ATP2C1: variants seen among roughly 807,000 people sequenced by gnomAD.
The protein encoded by ATP2C1 is calcium-transporting ATPase type 2C member 1.
Under a neutral mutation model 120.5 loss-of-function variants are expected in ATP2C1, and 31 were observed. The ratio of observed to expected loss-of-function variants is 0.26; its 90% CI spans 0.19 to 0.35. ATP2C1 has a LOEUF of 0.35. ATP2C1 is among the 10% of genes least tolerant of loss of function. ATP2C1 has a pLI of 1.00. For synonymous variants in ATP2C1, 351 were observed against 358.7 expected (o/e 0.98, Z 0.24); for missense variants, 731 against 1,107.5 (o/e 0.66, Z 4.83).
chr3:130,878,960 A>C (rs775964771), intron 1 of ATP2C1, among the ~76,000 whole-genome samples: 1 of 152,144 alleles, frequency 6.6e-6, no homozygotes, highest in Non-Finnish European at 1.5e-5. Flanking sequence ...TATTTTATTA[A>C]ATTACATTTC....
At chr3:130,941,004 T>C (rs2059874328) in intron 7 of ATP2C1, among the ~76,000 whole-genome samples, 1 of 117,614 alleles carries the variant, frequency 8.5e-6, no homozygotes, top group Non-Finnish European at 2.1e-5. Context: ...AAGCTCCATC[T>C]GCCGGGTTCA....
chr3:130,893,062 T>C (rs1475808297), upstream of ATP2C1, among the ~76,000 whole-genome samples: 1 of 152,212 alleles, frequency 6.6e-6, no homozygotes, highest in African/African-American at 2.4e-5. Flanking sequence ...ACTCAGTAGG[T>C]GAAGCCCTGC....
intron 2 of ATP2C1, among the ~76,000 whole-genome samples, chr3:130,928,457 A>C (rs2059312327): frequency 6.6e-6 from 1 of 152,212 alleles, no homozygotes; most frequent in South Asian, 2.1e-4. Context: ...CTATATACCA[A>C]CTACCAAAGG....
At chr3:131,008,638 A>C (rs2063205251) in intron 26 of ATP2C1, among the ~76,000 whole-genome samples, 1 of 152,152 alleles carries the variant, frequency 6.6e-6, no homozygotes, top group Admixed American at 6.5e-5. Context: ...TAAAGCCTAA[A>C]ATATTTACTA....
chr3:130,855,728 G>A (rs1244334510), intron 1 of ATP2C1, among the ~76,000 whole-genome samples: 1 of 152,182 alleles, frequency 6.6e-6, no homozygotes, highest in Admixed American at 6.5e-5. Flanking sequence ...TGATGCCTGA[G>A]GGTCAACTTG....
exon 27 of ATP2C1, chr3:131,016,415 C>T: frequency 1.4e-6 from 2 of 1,467,214 alleles, no homozygotes; most frequent in Non-Finnish European, 1.9e-6. Flanking sequence ...ACATATACTA[C>T]AAATTCTATA....
At position 130,996,707 on chromosome 3, in the gene ATP2C1, A is replaced by G. The variant is rs745625180; in HGVS notation, c.2154A>G (p.Ser718=). ...STSIAALTLI[S]LATLMNFPNP... is the part of the protein sequence containing the mutation. ...GTATAGCAGCATTAACTTTAATCTCATTGGCTACATTAATGAACTTTCCTA... is the reference window on the plus strand; with the variant it reads ...GTATAGCAGCATTAACTTTAATCTCGTTGGCTACATTAATGAACTTTCCTA... The change falls in exon 24 of 28, where the codon TCA becomes TCG. Residue 718 remains serine, a synonymous_variant. Coordinates refer to ENST00000510168, the MANE Select transcript of ATP2C1 (RefSeq NM_001378687.1). The G allele has an allele frequency of 6.2e-7, 1 of 1,609,868 alleles. No individual in the cohort carries two copies. Among genetic ancestry groups the G allele is most frequent in the Non-Finnish European group, 8.5e-7 (1 of 1,176,180 alleles).
At chr3:130,968,657 A>G (rs927951184) in intron 16 of ATP2C1, among the ~76,000 whole-genome samples, 3 of 152,206 alleles carry the variant, frequency 2.0e-5, no homozygotes, top group African/African-American at 7.2e-5. Flanking sequence ...GTTTCTGGAG[A>G]ACCTTTAAGG....
intron 1 of ATP2C1, among the ~76,000 whole-genome samples, chr3:130,885,550 C>A (rs1046743380): frequency 6.6e-6 from 1 of 151,566 alleles, no homozygotes; most frequent in Admixed American, 6.6e-5. Context: ...ATCTTATAAC[C>A]CATTATTTTA....
At chr3:130,891,200 A>G (rs147585837), upstream of ATP2C1, among the ~76,000 whole-genome samples, 15 of 152,340 alleles carry the variant, frequency 9.8e-5, no homozygotes, top group East Asian at 2.9e-3. Flanking sequence ...ACAGCCTTTA[A>G]AAGAAGACAT....
intron 1 of ATP2C1, among the ~76,000 whole-genome samples, chr3:130,879,819 G>A (rs1559878728): frequency 2.0e-5 from 3 of 152,180 alleles, no homozygotes; most frequent in Admixed American, 2.0e-4. Context: ...AACATCAGTG[G>A]TGTCTGCAAG....
intron 2 of ATP2C1, among the ~76,000 whole-genome samples, chr3:130,895,306 C>G (rs62282161): frequency 0.11 from 16,450 of 152,186 alleles, 1,029 homozygotes; most frequent in East Asian, 0.18. Flanking sequence ...GAGATGAGTG[C>G]TTTTCTTAAA....
intron 2 of ATP2C1, among the ~76,000 whole-genome samples, chr3:130,913,092 G>T (rs1166874225): frequency 1.6e-5 from 2 of 127,712 alleles, no homozygotes; most frequent in African/African-American, 3.0e-5. Context: ...ATCACACTCT[G>T]GGGACTGTTG....
chr3:130,920,477 A>G (rs2058902920), intron 2 of ATP2C1, among the ~76,000 whole-genome samples: 1 of 152,012 alleles, frequency 6.6e-6, no homozygotes, highest in Admixed American at 6.6e-5. Flanking sequence ...AGATCAGTTG[A>G]CCATATGTGT....
At chr3:130,997,824 A>G in intron 25 of ATP2C1, 71 bp downstream of exon 25, 1 of 1,547,314 alleles carries the variant, frequency 6.5e-7, no homozygotes, top group Non-Finnish European at 8.9e-7. Flanking sequence ...AGTTATTTTG[A>G]TGGGTTACCC....
chr3:130,865,057 G>T (rs1482835409), intron 1 of ATP2C1, among the ~76,000 whole-genome samples: 1 of 152,106 alleles, frequency 6.6e-6, no homozygotes, highest in African/African-American at 2.4e-5. Context: ...GTCAGCCCAT[G>T]AAAGCAGCAA....
chr3:130,965,179 G>A (rs2060998038), intron 14 of ATP2C1, 134 bp downstream of exon 14: 1 of 684,038 alleles, frequency 1.5e-6, no homozygotes. Context: ...TTCTCTCTCT[G>A]TGATTTTACC....
chr3:130,904,179 C>T (rs376651541), intron 2 of ATP2C1, among the ~76,000 whole-genome samples: 4 of 151,848 alleles, frequency 2.6e-5, no homozygotes, highest in Non-Finnish European at 2.9e-5. Context: ...ATCTTTTGCC[C>T]AGTTACTCCT....
In ATP2C1 at chr3:130,861,234, AC is replaced by A. The variant is rs201784110; in HGVS notation, c.108+10307del. 5.0e-3 allele frequency among the ~76,000 whole-genome samples: 759 copies of A among 152,268 alleles called. 7 individuals are homozygous for A. The highest frequency in any genetic ancestry group is 0.017 in the African/African-American group (714 of 41,560). On this transcript the variant is annotated intron_variant, in intron 1 of 26. Coordinates refer to the ATP2C1 transcript ENST00000504381. ...CAGTGAGCCGAGATCACGCCACTGC[AC>A]TCCAGCCTGGGTAACAGAGTGAGAC...
Sources: allele counts gnomAD v4.1 joint callset (sites outside exome capture counted in the v4.1 genomes callset), GRCh38; gene constraint gnomAD v4.1.1; transcripts MANE v1.5; gene names NCBI Gene and HGNC (gene_info 2026-07-23, HGNC 2026-07-21).